Variants in LMAN2L observed in about 807,000 individuals in gnomAD.
LMAN2L encodes the protein VIP36-like protein.
LMAN2L carries 30 observed loss-of-function variants against 44.3 expected under a neutral mutation model. The ratio of observed to expected loss-of-function variants is 0.68; its 90% CI spans 0.51 to 0.92. The LOEUF is 0.92. LMAN2L is among the 40% of genes least tolerant of loss of function. The pLI is 0.00. For synonymous variants in LMAN2L, 183 were observed against 171.1 expected (o/e 1.07, Z -0.54); for missense variants, 429 against 446.1 (o/e 0.96, Z 0.35).
intron 4 of LMAN2L, chr2:96,712,999 C>T: frequency 1.1e-6 from 1 of 902,070 alleles, no homozygotes; most frequent in Non-Finnish European, 1.8e-6. Context: ...GCAGTCGAGA[C>T]CAGAGACCGG....
At chr2:96,708,908 C>CTTTT (rs140328524) in intron 6 of LMAN2L, among the ~76,000 whole-genome samples, 73 of 89,216 alleles carry the variant, frequency 8.2e-4, no homozygotes, top group African/African-American at 1.2e-3. Context: ...TGAAGTTAGA[C>CTTTT]TTTTTTTTTT....
intron 2 of LMAN2L, chr2:96,737,237 G>A: frequency 2.3e-6 from 1 of 425,662 alleles, no homozygotes; most frequent in Non-Finnish European, 4.6e-6. Context: ...GTCCAGAGAA[G>A]GACAAATAAA....
chr2:96,707,219 T>C lies in LMAN2L; in HGVS notation c.*37A>G. On this transcript the variant is annotated 3_prime_UTR_variant, in exon 8 of 8. Transcript: ENST00000264963. ...CAGTGCCTGCTCCTTCCATACCTCA[T>C]GGGTGACAGTCACAAAAGTGGTGGC... 6.2e-7 allele frequency: 1 copy of C among 1,607,116 alleles called. No homozygotes were observed. The highest frequency in any genetic ancestry group is 8.5e-7 in the Non-Finnish European group (1 of 1,175,016).
chr2:96,736,927 T>C (rs943569665), intron 2 of LMAN2L, among the ~76,000 whole-genome samples: 2 of 152,218 alleles, frequency 1.3e-5, no homozygotes, highest in East Asian at 3.8e-4. Context: ...TAGAAATTTC[T>C]CTTGCCCTCC....
At chr2:96,711,577 C>A in intron 6 of LMAN2L, 79 bp downstream of exon 6, 1 of 944,252 alleles carries the variant, frequency 1.1e-6, no homozygotes, top group East Asian at 2.4e-5. Context: ...CTGGCTCTCC[C>A]CTGTGAGAGG....
rs772106882 is a variant in LMAN2L, at chr2:96,712,038, GA to G, written c.508-14del. 6.2e-7 allele frequency: 1 copy of G among 1,613,980 alleles called. No individual in the cohort carries two copies. The highest frequency in any genetic ancestry group is 1.7e-5 in the Admixed American group (1 of 60,030). ...AGGGGAATACCCGCTGGAAAGCAGA[GA>G]GGGGGAAGCAGACACTAAGGAAGAG... On this transcript the variant is annotated splice_polypyrimidine_tract_variant and intron_variant, in intron 4 of 7. Transcript: ENST00000264963.
chr2:96,717,193 AACATACACGCAAGAC>A (rs1204553615), intron 4 of LMAN2L, among the ~76,000 whole-genome samples: 1 of 152,058 alleles, frequency 6.6e-6, no homozygotes, highest in East Asian at 1.9e-4. Context: ...CACAAGCACA[AACATACACGCAAGAC>A]ACATACACAC....
In LMAN2L at chr2:96,707,108, T is replaced by G; in HGVS notation, c.*148A>C. ...CATGCACAACCATGGGAATGCGGGG[T>G]CCCTGCATTCAAAACTCCAGTGACA... On this transcript the variant is annotated 3_prime_UTR_variant, in exon 8 of 8. Coordinates refer to ENST00000264963, the MANE Select transcript of LMAN2L (RefSeq NM_030805.4). The G allele has an allele frequency of 4.3e-6, 3 of 697,092 alleles. No homozygotes were observed. Among genetic ancestry groups the G allele is most frequent in the South Asian group, 4.9e-5 (2 of 40,626 alleles). The allele number at this position is 697,092 out of a possible 1,614,324, so 43.2% of individuals were successfully genotyped here. A position where few individuals can be genotyped will look rare whatever the true frequency, so the allele number is the denominator to read the frequency against.
intron 4 of LMAN2L, 89 bp downstream of exon 4, chr2:96,733,430 A>G (rs2078447684): frequency 2.2e-6 from 2 of 929,354 alleles, no homozygotes; most frequent in Non-Finnish European, 1.7e-6. Context: ...CTCACTTTCT[A>G]TCTCCTTTGT....
intron 4 of LMAN2L, among the ~76,000 whole-genome samples, chr2:96,730,777 C>T (rs1351101139): frequency 6.6e-6 from 1 of 152,106 alleles, no homozygotes; most frequent in East Asian, 1.9e-4. Flanking sequence ...CAGGTTCAAG[C>T]GATTCTCCTG....
At chr2:96,708,623 T>A (rs1429879087) in intron 6 of LMAN2L, among the ~76,000 whole-genome samples, 4 of 152,292 alleles carry the variant, frequency 2.6e-5, no homozygotes, top group Non-Finnish European at 5.9e-5. Context: ...GCTTCCCCGC[T>A]GGTGAAGACC....
In LMAN2L at chr2:96,737,968, C is replaced by T. The variant is rs2078550538; in HGVS notation, c.287G>A (p.Gly96Asp). The change falls in exon 2 of 8, where the codon GGT (glycine) becomes GAT (aspartate). Residue 96 changes from glycine (G) to aspartate (D), a missense_variant. By Grantham distance (94) the Gly-to-Asp change is moderately conservative. Transcript: ENST00000264963. ...RLTPDMQSKQ[G>D]ALWNRVPCFL... ...TCTTACCACCCGGTTCCACAAGGCA[C>T]CCTGTTTACTTTGCATATCTGGGGT... 1 of 1,612,822 alleles carries T rather than the reference C, an allele frequency of 6.2e-7. No individual in the cohort carries two copies. The highest frequency in any genetic ancestry group is 8.5e-7 in the Non-Finnish European group (1 of 1,178,804).
chr2:96,730,156 T>G (rs895927466), intron 4 of LMAN2L, among the ~76,000 whole-genome samples: 5 of 152,252 alleles, frequency 3.3e-5, no homozygotes, highest in Admixed American at 6.5e-5. Flanking sequence ...TACTACTATC[T>G]CATGGTGAAA....
intron 4 of LMAN2L, among the ~76,000 whole-genome samples, chr2:96,732,434 AG>A (rs796637314): frequency 2.0e-5 from 3 of 151,790 alleles, no homozygotes; most frequent in African/African-American, 7.2e-5. Context: ...TCACGAGGTC[AG>A]GGGTTCGAGA....
chr2:96,728,414 G>A (rs1463658792), intron 4 of LMAN2L, among the ~76,000 whole-genome samples: 2 of 151,180 alleles, frequency 1.3e-5, no homozygotes, highest in African/African-American at 2.4e-5. Flanking sequence ...GCTGAGGCAG[G>A]AGAATGGCCT....
At chr2:96,713,733 G>A (rs1255375521) in intron 4 of LMAN2L, among the ~76,000 whole-genome samples, 1 of 152,186 alleles carries the variant, frequency 6.6e-6, no homozygotes, top group African/African-American at 2.4e-5. Context: ...TGAGCCTTAT[G>A]GTCATATATT....
intron 4 of LMAN2L, among the ~76,000 whole-genome samples, chr2:96,725,901 G>A (rs184358969): frequency 9.8e-4 from 149 of 151,934 alleles, no homozygotes; most frequent in Non-Finnish European, 1.6e-3. Flanking sequence ...TTGGGAGGCC[G>A]AGGCAGGTGA....
rs975386636 is a variant in LMAN2L at position 96,721,316 on chromosome 2, T to C, written c.508-9291A>G. 1.7e-4 allele frequency among the ~76,000 whole-genome samples: 25 copies of C among 151,314 alleles called. 2 individuals are homozygous for C. The highest frequency in any genetic ancestry group is 6.6e-4 in the Admixed American group (10 of 15,184). Reference sequence around the variant, plus strand: ...GTTGGAGCACATATCGATACTTAATTTCTTTCAGTCTTTTTTTTTTTTTTT... The same window carrying C: ...GTTGGAGCACATATCGATACTTAATCTCTTTCAGTCTTTTTTTTTTTTTTT... On this transcript the variant is annotated intron_variant, in intron 4 of 7. Transcript: ENST00000264963.
chr2:96,717,228 C>G (rs1043244041), intron 4 of LMAN2L, among the ~76,000 whole-genome samples: 1 of 151,986 alleles, frequency 6.6e-6, no homozygotes, highest in African/African-American at 2.4e-5. Flanking sequence ...CAGACACACA[C>G]ACACAAAGAA....
Sources: gnomAD v4.1 joint callset for allele counts (sites outside exome capture counted in the v4.1 genomes callset) on GRCh38, gnomAD v4.1.1 for gene constraint, MANE v1.5 for transcripts, NCBI Gene and HGNC (gene_info 2026-07-23, HGNC 2026-07-21) for gene names.